Variants in GRIA4 observed in about 807,000 individuals in gnomAD.
GRIA4 encodes glutamate ionotropic receptor AMPA type subunit 4.
A neutral mutation model predicts 104.0 loss-of-function variants in GRIA4; 34 were observed. The ratio of observed to expected loss-of-function variants is 0.33; its 90% CI spans 0.25 to 0.44. The LOEUF is 0.44. Among genes scored for constraint, GRIA4 ranks in the 20% least tolerant of loss-of-function variants. The pLI, the probability that GRIA4 is intolerant of heterozygous loss-of-function variation, is 1.00. For missense variants in GRIA4, 750 were observed against 1,096.5 expected (o/e 0.68, Z 4.46); for synonymous variants, 386 against 381.9 (o/e 1.01, Z -0.13).
intron 3 of GRIA4, among the ~76,000 whole-genome samples, chr11:105,627,157 G>T (rs1230976927): frequency 3.3e-5 from 5 of 152,126 alleles, no homozygotes; most frequent in Non-Finnish European, 5.9e-5. Flanking sequence ...TTTGAAAGAC[G>T]CATGAGATTC....
chr11:105,786,849 G>T (rs1941989926), intron 4 of GRIA4, among the ~76,000 whole-genome samples: 1 of 152,142 alleles, frequency 6.6e-6, no homozygotes, highest in Non-Finnish European at 1.5e-5. Flanking sequence ...CTATTATAAT[G>T]CATCTTGGAC....
At chr11:105,970,431 A>G (rs982255997) in intron 14 of GRIA4, among the ~76,000 whole-genome samples, 2 of 152,216 alleles carry the variant, frequency 1.3e-5, no homozygotes, top group Non-Finnish European at 2.9e-5. Flanking sequence ...CTATGAAATC[A>G]TACTATCAGG....
chr11:105,732,133 T>C (rs1444601735), intron 3 of GRIA4, among the ~76,000 whole-genome samples: 1 of 152,070 alleles, frequency 6.6e-6, no homozygotes, highest in Non-Finnish European at 1.5e-5. Flanking sequence ...TGAGGAAGCA[T>C]GAACAATAAG....
chr11:105,907,328 T>C (rs1397659421), intron 9 of GRIA4, among the ~76,000 whole-genome samples: 1 of 151,910 alleles, frequency 6.6e-6, no homozygotes, highest in Non-Finnish European at 1.5e-5. Context: ...TATCTTCTTT[T>C]TTCCATGGCA....
intron 3 of GRIA4, among the ~76,000 whole-genome samples, chr11:105,620,336 T>TTA (rs1555082387): frequency 6.6e-6 from 1 of 151,366 alleles, no homozygotes; most frequent in Non-Finnish European, 1.5e-5. Context: ...GGCATTATTA[T>TTA]TATTTTATAG....
At chr11:105,720,672 G>A (rs1413568083) in intron 3 of GRIA4, among the ~76,000 whole-genome samples, 1 of 152,124 alleles carries the variant, frequency 6.6e-6, no homozygotes, top group Non-Finnish European at 1.5e-5. Context: ...ATAAATTAGT[G>A]CATTAATACA....
chr11:105,906,476 G>A (rs1947045036), intron 9 of GRIA4, among the ~76,000 whole-genome samples: 1 of 152,134 alleles, frequency 6.6e-6, no homozygotes, highest in Non-Finnish European at 1.5e-5. Context: ...AAGGCTTGGA[G>A]GCAGGACCAT....
At position 105,905,257 on chromosome 11, in the gene GRIA4, T is replaced by G; in HGVS notation, c.1114T>G (p.Tyr372Asp). The change falls in exon 9 of 17, where the codon TAC (tyrosine) becomes GAC (aspartate). Residue 372 changes from tyrosine to aspartate, a missense_variant. Coordinates refer to ENST00000282499, the MANE Select transcript of GRIA4 (RefSeq NM_000829.4). Reference protein sequence around the residue: ...QFDHYGRRVNYTMDVFELKST... With the variant: ...QFDHYGRRVNDTMDVFELKST... ...TGACCACTATGGACGTAGAGTCAATTACACAATGGATGTGTTTGAGCTGAA... is the reference window on the plus strand; with the variant it reads ...TGACCACTATGGACGTAGAGTCAATGACACAATGGATGTGTTTGAGCTGAA... 1 of 1,608,766 alleles carries G rather than the reference T, an allele frequency of 6.2e-7. No individual in the cohort carries two copies. The highest frequency in any genetic ancestry group is 8.5e-7 in the Non-Finnish European group (1 of 1,175,226).
chr11:105,809,786 A>G, intron 4 of GRIA4, among the ~76,000 whole-genome samples: 1 of 152,072 alleles, frequency 6.6e-6, no homozygotes, highest in Non-Finnish European at 1.5e-5. Context: ...CTCAGGTAAT[A>G]TCTTTATAGC....
At chr11:105,937,451 T>C (rs1024941561) in intron 14 of GRIA4, among the ~76,000 whole-genome samples, 1 of 152,174 alleles carries the variant, frequency 6.6e-6, no homozygotes, top group African/African-American at 2.4e-5. Flanking sequence ...AAAGGTTCTT[T>C]GGAGCGAATC....
chr11:105,822,780 G>A (rs1316287420), intron 4 of GRIA4, among the ~76,000 whole-genome samples: 1 of 151,954 alleles, frequency 6.6e-6, no homozygotes, highest in Non-Finnish European at 1.5e-5. Flanking sequence ...AAGAAGATGG[G>A]GTTAATATGT....
chr11:105,662,424 T>G (rs1451291147), intron 3 of GRIA4, among the ~76,000 whole-genome samples: 1 of 151,608 alleles, frequency 6.6e-6, no homozygotes, highest in Non-Finnish European at 1.5e-5. Flanking sequence ...CAGAAAGGCA[T>G]GGAAACAGAT....
chr11:105,781,427 C>T lies in GRIA4; in HGVS notation c.487+28207C>T, dbSNP rs566131624. ...CATATATGCTCTTGTTCTTTTCTCT[C>T]CCACAATTTGAAGTCTAAATTTTGT... On this transcript the variant is annotated intron_variant, in intron 4 of 16. Coordinates refer to ENST00000282499, the MANE Select transcript of GRIA4 (RefSeq NM_000829.4). Among the ~76,000 whole-genome samples, 9 of 152,216 alleles carry T rather than the reference C, an allele frequency of 5.9e-5. No individual in the cohort carries two copies. The East Asian group carries it at 1.5e-3, about 26-fold the overall frequency.
chr11:105,903,135 G>A (rs1946919217), intron 7 of GRIA4, among the ~76,000 whole-genome samples: 1 of 152,068 alleles, frequency 6.6e-6, no homozygotes, highest in Admixed American at 6.5e-5. Context: ...AGGTTATATT[G>A]AAAACTTTGA....
chr11:105,697,392 G>C (rs1953320197), intron 3 of GRIA4, among the ~76,000 whole-genome samples: 1 of 152,082 alleles, frequency 6.6e-6, no homozygotes, highest in African/African-American at 2.4e-5. Context: ...ATAAAAAGAG[G>C]TTAAAAACCC....
Position 105,800,270 on chromosome 11 carries a change from T to A in GRIA4, c.487+47050T>A, listed in dbSNP as rs544811982. Among the ~76,000 whole-genome samples, 42 of 152,062 alleles carry A rather than the reference T, an allele frequency of 2.8e-4. 2 individuals are homozygous for A. In the South Asian group the frequency reaches 8.7e-3, roughly 31 times the overall value. On this transcript the variant is annotated intron_variant, in intron 4 of 16. Coordinates refer to ENST00000282499, the MANE Select transcript of GRIA4 (RefSeq NM_000829.4). ...AGTGAGTGACTACAGTGTGAAAGGG[T>A]GAAATCAAGAGAAATGACAAAGAGG...
At chr11:105,739,241 A>G (rs1939161315) in intron 3 of GRIA4, among the ~76,000 whole-genome samples, 1 of 152,162 alleles carries the variant, frequency 6.6e-6, no homozygotes, top group Non-Finnish European at 1.5e-5. Flanking sequence ...TGTTTCCATT[A>G]TGATGGCCTG....
At chr11:105,832,344 G>T (rs1342533817) in intron 4 of GRIA4, among the ~76,000 whole-genome samples, 1 of 151,682 alleles carries the variant, frequency 6.6e-6, no homozygotes, top group African/African-American at 2.4e-5. Flanking sequence ...GGGTCTCCCA[G>T]AGACAAGGTG....
At chr11:105,724,416 A>AACAC (rs57390957) in intron 3 of GRIA4, among the ~76,000 whole-genome samples, 12 of 151,340 alleles carry the variant, frequency 7.9e-5, no homozygotes, top group African/African-American at 2.2e-4. Context: ...TGTGCACACA[A>AACAC]ACACACACAC....
Sources: allele counts gnomAD v4.1 joint callset (sites outside exome capture counted in the v4.1 genomes callset), GRCh38; gene constraint gnomAD v4.1.1; transcripts MANE v1.5; gene names NCBI Gene and HGNC (gene_info 2026-07-23, HGNC 2026-07-21).